UTY: variants seen among roughly 807,000 people sequenced by gnomAD.
UTY encodes ubiquitously transcribed tetratricopeptide repeat containing, Y-linked, also known as histone demethylase UTY.
A neutral mutation model predicts 32.5 loss-of-function variants in UTY; 12 were observed. The observed-to-expected ratio is 0.37, with a 90% CI of 0.24 to 0.60. UTY has a LOEUF of 0.60. Among genes scored for constraint, UTY ranks in the 20% least tolerant of loss-of-function variants. The pLI is 0.69. For synonymous variants in UTY, 131 were observed against 103.4 expected (o/e 1.27, Z -1.62); for missense variants, 303 against 299.2 (o/e 1.01, Z -0.09).
chrY:13,273,980 C>A (rs1603287178), intron 27 of UTY, among the ~76,000 whole-genome samples: 1 of 20,588 alleles, frequency 4.9e-5, no homozygotes, highest in South Asian at 1.0e-3. Context: ...TCCACTACTT[C>A]AAAAAAAAAA....
At chrY:13,297,126 C>T (rs759642908) in intron 27 of UTY, among the ~76,000 whole-genome samples, 2,056 of 33,449 alleles carry the variant, frequency 0.061, no homozygotes, top group Non-Finnish European at 5.5e-3. Flanking sequence ...TTATATGGCT[C>T]ACAGTTCTGC....
intron 8 of UTY, among the ~76,000 whole-genome samples, chrY:13,371,511 T>TA (rs2064932310): frequency 3.0e-5 from 1 of 32,987 alleles, no homozygotes; most frequent in Non-Finnish European, 7.5e-5. Context: ...AAATAGTAAA[T>TA]AAAAAAAATC....
chrY:13,320,126 G>A, intron 21 of UTY, among the ~76,000 whole-genome samples: 1 of 33,185 alleles, frequency 3.0e-5, no homozygotes, highest in Non-Finnish European at 7.4e-5. Flanking sequence ...TCTATAGGAA[G>A]CATTGTCAAA....
At chrY:13,426,692 G>C in intron 4 of UTY, among the ~76,000 whole-genome samples, 4 of 33,245 alleles carry the variant, frequency 1.2e-4, no homozygotes, top group Non-Finnish European at 3.0e-4. Flanking sequence ...TACTCAAAGA[G>C]CTTTGAAAAC....
At chrY:13,340,846 G>A in intron 17 of UTY, among the ~76,000 whole-genome samples, 1 of 33,394 alleles carries the variant, frequency 3.0e-5, no homozygotes, top group Non-Finnish European at 7.4e-5. Flanking sequence ...TATACAAGCC[G>A]CTCTCCAGTG....
At chrY:13,448,333 T>C (rs933010835) in intron 4 of UTY, among the ~76,000 whole-genome samples, 5 of 33,538 alleles carry the variant, frequency 1.5e-4, no homozygotes, top group African/African-American at 5.8e-4. Context: ...TTTTAAAATA[T>C]ATATGTCTGG....
intron 21 of UTY, among the ~76,000 whole-genome samples, chrY:13,320,078 T>C: frequency 3.0e-5 from 1 of 33,058 alleles, no homozygotes; most frequent in Non-Finnish European, 7.5e-5. Flanking sequence ...TTTCCTAACA[T>C]CCAAAAACGA....
chrY:13,367,244 G>T (rs1603441860), intron 9 of UTY, among the ~76,000 whole-genome samples: 1 of 32,972 alleles, frequency 3.0e-5, no homozygotes, highest in African/African-American at 1.2e-4. Flanking sequence ...CTTACAAAAG[G>T]CCTCATACAT....
chrY:13,258,724 T>A, intron 28 of UTY, among the ~76,000 whole-genome samples: 1 of 33,920 alleles, frequency 2.9e-5, no homozygotes, highest in Non-Finnish European at 7.3e-5. Context: ...TCAATGATGA[T>A]TATGCTTTTA....
intron 18 of UTY, among the ~76,000 whole-genome samples, chrY:13,327,900 G>A: frequency 6.0e-5 from 2 of 33,589 alleles, no homozygotes; most frequent in Non-Finnish European, 1.5e-4. Flanking sequence ...ATTTCTTGTA[G>A]TATCAAAAAT....
At chrY:13,260,786 C>T (rs933118637) in intron 27 of UTY, among the ~76,000 whole-genome samples, 85 of 32,961 alleles carry the variant, frequency 2.6e-3, no homozygotes, top group Admixed American at 0.024. Flanking sequence ...AAGAAGGTTG[C>T]CTATACCCTC....
intron 17 of UTY, among the ~76,000 whole-genome samples, chrY:13,347,449 C>T: frequency 6.0e-5 from 2 of 33,153 alleles, no homozygotes; most frequent in Non-Finnish European, 1.5e-4. Flanking sequence ...GGGCCGGGTA[C>T]GGTGGCTCAT....
At chrY:13,310,165 G>C in intron 21 of UTY, among the ~76,000 whole-genome samples, 2 of 23,804 alleles carry the variant, frequency 8.4e-5, no homozygotes. Context: ...GCAGTGAGCC[G>C]AGATCATGCC....
At chrY:13,354,193 A>C (rs2062635255) in intron 17 of UTY, among the ~76,000 whole-genome samples, 2 of 33,448 alleles carry the variant, frequency 6.0e-5, no homozygotes, top group African/African-American at 2.3e-4. Context: ...ACTTGAGATC[A>C]GGAGTTTGAG....
chrY:13,385,693 C>A, intron 8 of UTY, among the ~76,000 whole-genome samples: 2 of 33,022 alleles, frequency 6.1e-5, no homozygotes, highest in East Asian at 1.5e-3. Flanking sequence ...AGAAATGAAC[C>A]ACTGCATCTA....
At chrY:13,370,113 C>G in intron 8 of UTY, among the ~76,000 whole-genome samples, 1 of 33,723 alleles carries the variant, frequency 3.0e-5, no homozygotes. Flanking sequence ...TCACAAAGTA[C>G]TAATACAACT....
chrY:13,314,322 G>A, intron 21 of UTY, among the ~76,000 whole-genome samples: 2 of 33,269 alleles, frequency 6.0e-5, no homozygotes, highest in Admixed American at 5.5e-4. Context: ...GCTGAGGCAG[G>A]AGAATGGCCT....
At chrY:13,413,462 C>G in intron 5 of UTY, among the ~76,000 whole-genome samples, 1 of 33,809 alleles carries the variant, frequency 3.0e-5, no homozygotes, top group African/African-American at 1.2e-4. Flanking sequence ...CAACCCCGTT[C>G]GCTGGAAGTG....
intron 4 of UTY, among the ~76,000 whole-genome samples, chrY:13,428,198 GA>G (rs2073580788): frequency 3.0e-5 from 1 of 33,422 alleles, no homozygotes; most frequent in Non-Finnish European, 7.5e-5. Flanking sequence ...AGAAGCTTTG[GA>G]TTCTAGTTAA....
Sources: gnomAD v4.1 joint callset for allele counts (sites outside exome capture counted in the v4.1 genomes callset) on GRCh38, gnomAD v4.1.1 for gene constraint, MANE v1.5 for transcripts, NCBI Gene and HGNC (gene_info 2026-07-23, HGNC 2026-07-21) for gene names.